HELQ: variants seen among roughly 807,000 people sequenced by gnomAD.
HELQ encodes the protein helicase, POLQ like, also known as helicase POLQ-like.
Under a neutral mutation model 111.6 loss-of-function variants are expected in HELQ, and 77 were observed. That is an observed-to-expected ratio of 0.69 (90% CI 0.57 to 0.83). The LOEUF (loss-of-function observed/expected upper bound fraction) is 0.83. HELQ is among the 40% of genes least tolerant of loss of function. HELQ has a pLI of 0.00. For synonymous variants in HELQ, 438 were observed against 454.7 expected (o/e 0.96, Z 0.47); for missense variants, 1,200 against 1,288.5 (o/e 0.93, Z 1.05).
In HELQ at chr4:83,433,558, C is replaced by T. The variant is rs571089071; in HGVS notation, c.2049-1291G>A. Reference sequence around the variant, plus strand: ...GCAGGCGCCTGTAGTCCCAGCTACTCAGGAGGCTGAGGCAGGAGACTGGTG... The same window carrying T: ...GCAGGCGCCTGTAGTCCCAGCTACTTAGGAGGCTGAGGCAGGAGACTGGTG... On this transcript the variant is annotated intron_variant, in intron 9 of 17. Coordinates refer to ENST00000295488, the MANE Select transcript of HELQ (RefSeq NM_133636.5). 1.4e-3 allele frequency among the ~76,000 whole-genome samples: 212 copies of T among 149,314 alleles called. 2 individuals are homozygous for T. The highest frequency in any genetic ancestry group is 5.1e-3 in the African/African-American group (204 of 40,298).
At chr4:83,413,818 A>G (rs72944424) in intron 17 of HELQ, among the ~76,000 whole-genome samples, 14,391 of 152,274 alleles carry the variant, frequency 0.095, 2,266 homozygotes, top group African/African-American at 0.33. Context: ...TGCTCCAGTC[A>G]AAAGCTGAAA....
At chr4:83,455,025 G>A (rs1178777727) in intron 1 of HELQ, among the ~76,000 whole-genome samples, 3 of 152,178 alleles carry the variant, frequency 2.0e-5, no homozygotes, top group African/African-American at 7.2e-5. Flanking sequence ...TTTGGAGCAA[G>A]AACTGTACTA....
chr4:83,432,453 ACT>A (rs200921434), intron 9 of HELQ, among the ~76,000 whole-genome samples, 186 bp from the exon 10 acceptor site: 3,605 of 152,096 alleles, frequency 0.024, 134 homozygotes, highest in African/African-American at 0.082. Flanking sequence ...TTCTTACAAA[ACT>A]CTTAGTTATA....
At chr4:83,421,927 A>G (rs534200798) in intron 14 of HELQ, among the ~76,000 whole-genome samples, 191 bp from the exon 15 acceptor site, 1 of 152,334 alleles carries the variant, frequency 6.6e-6, no homozygotes, top group South Asian at 2.1e-4. Context: ...TCCAACTACA[A>G]TAAAAAGATA....
intron 1 of HELQ, among the ~76,000 whole-genome samples, chr4:83,454,367 T>A (rs112403358): frequency 0.027 from 4,162 of 152,244 alleles, 77 homozygotes; most frequent in Non-Finnish European, 0.036. Flanking sequence ...ATTACTTGCC[T>A]AAACAGCAGG....
chr4:83,446,807 T>C (rs767158503), intron 4 of HELQ, 28 bp downstream of exon 4: 3 of 1,378,004 alleles, frequency 2.2e-6, no homozygotes, highest in South Asian at 2.5e-5. Context: ...AATAAAAATA[T>C]TGACAAATTA....
At chr4:83,416,240 G>C (rs1333749682) in intron 17 of HELQ, among the ~76,000 whole-genome samples, 4 of 149,592 alleles carry the variant, frequency 2.7e-5, no homozygotes. Context: ...GAGGCACCAT[G>C]CCTGGCATTT....
intron 17 of HELQ, among the ~76,000 whole-genome samples, chr4:83,416,426 G>A (rs796659860): frequency 9.2e-5 from 14 of 151,914 alleles, no homozygotes; most frequent in African/African-American, 3.4e-4. Flanking sequence ...TCATTATGTT[G>A]CCCAGGCTGG....
At chr4:83,413,339 T>A (rs1739200582) in intron 17 of HELQ, among the ~76,000 whole-genome samples, 1 of 152,222 alleles carries the variant, frequency 6.6e-6, no homozygotes, top group African/African-American at 2.4e-5. Context: ...AAATGATTGC[T>A]TGTTTTTTTG....
chr4:83,412,725 G>A (rs570704526), intron 17 of HELQ, among the ~76,000 whole-genome samples: 2 of 152,282 alleles, frequency 1.3e-5, no homozygotes, highest in Admixed American at 1.3e-4. Flanking sequence ...TCATGAGGCT[G>A]AGATGGGAGA....
chr4:83,446,774 CCAG>C, intron 4 of HELQ, 58 bp downstream of exon 4: 2 of 1,026,908 alleles, frequency 1.9e-6, no homozygotes, highest in Non-Finnish European at 2.9e-6. Flanking sequence ...CACACAATAA[CCAG>C]AATAATAAAT....
At chr4:83,446,467 C>T (rs1489168041) in intron 4 of HELQ, among the ~76,000 whole-genome samples, 12 of 152,028 alleles carry the variant, frequency 7.9e-5, no homozygotes, top group South Asian at 4.1e-4. Flanking sequence ...CCACCACGCC[C>T]GGCTAATTTT....
intron 17 of HELQ, among the ~76,000 whole-genome samples, chr4:83,412,970 T>C (rs143378982): frequency 5.1e-4 from 78 of 152,342 alleles, no homozygotes; most frequent in African/African-American, 1.8e-3. Context: ...TAATAAATCA[T>C]ACCCTTTCTG....
rs747884204 is a variant in HELQ, at chr4:83,429,766, C to T, written c.2296-20G>A. ...TGCAATCTGAAACAATTCAGGATAT[C>T]ATTGGAGCATTTTCCTTAATTCAAG... On this transcript the variant is annotated intron_variant, in intron 11 of 17. Transcript: ENST00000295488. The T allele has an allele frequency of 6.6e-7, 1 of 1,517,622 alleles. No individual in the cohort carries two copies. Among genetic ancestry groups the T allele is most frequent in the Non-Finnish European group, 9.1e-7 (1 of 1,100,796 alleles). The allele number at this position is 1,517,622 out of a possible 1,614,324, so 94.0% of individuals were successfully genotyped here.
In HELQ at chr4:83,418,221, G is replaced by T. The variant is rs754204396; in HGVS notation, c.2950-15C>A. The T allele has an allele frequency of 2.9e-5, 40 of 1,402,172 alleles. No individual in the cohort carries two copies. The highest frequency in any genetic ancestry group is 5.8e-5 in the African/African-American group (4 of 69,008). 86.9% of individuals were successfully genotyped at this position (1,402,172 alleles called of 1,614,324 possible). On this transcript the variant is annotated splice_polypyrimidine_tract_variant and intron_variant, in intron 15 of 17. Coordinates refer to ENST00000295488, the MANE Select transcript of HELQ (RefSeq NM_133636.5). ...TCCTCAAGCTCCTGTAGAACACAAA[G>T]AAATATATAAAATTTAAATTTTGTA...
chr4:83,414,199 G>A (rs1739247585), intron 17 of HELQ, among the ~76,000 whole-genome samples: 2 of 152,246 alleles, frequency 1.3e-5, no homozygotes, highest in Non-Finnish European at 1.5e-5. Flanking sequence ...AGTTCCATGG[G>A]CCCTAGAGCT....
chr4:83,435,025 T>C (rs1355106191), intron 9 of HELQ, among the ~76,000 whole-genome samples: 2 of 152,296 alleles, frequency 1.3e-5, no homozygotes, highest in East Asian at 1.9e-4. Context: ...AGTAGTACTG[T>C]TGGGATTGTA....
chr4:83,410,029 T>C (rs1402617283), intron 17 of HELQ, among the ~76,000 whole-genome samples: 2 of 151,998 alleles, frequency 1.3e-5, no homozygotes, highest in African/African-American at 2.4e-5. Flanking sequence ...GGCAGGAGGA[T>C]TGCTTGAGGC....
chr4:83,442,096 A>C (rs1227747571), intron 6 of HELQ, among the ~76,000 whole-genome samples: 1 of 152,038 alleles, frequency 6.6e-6, no homozygotes, highest in Non-Finnish European at 1.5e-5. Flanking sequence ...CATCAGTTTT[A>C]ATTCTAAATA....
Sources: allele counts gnomAD v4.1 joint callset (sites outside exome capture counted in the v4.1 genomes callset), GRCh38; gene constraint gnomAD v4.1.1; transcripts MANE v1.5; gene names NCBI Gene and HGNC (gene_info 2026-07-23, HGNC 2026-07-21).